The following CLPB variants were observed in gnomAD, a reference collection of about 807,000 sequenced individuals.
CLPB encodes the protein mitochondrial disaggregase.
In CLPB, 40 loss-of-function variants were observed where a neutral mutation model predicts 78.4. That is an observed-to-expected ratio of 0.51 (90% CI 0.40 to 0.66). The LOEUF is 0.66. Among genes scored for constraint, CLPB ranks in the 30% least tolerant of loss-of-function variants. The pLI is 0.00. For synonymous variants in CLPB, 333 were observed against 348.0 expected, an observed-to-expected ratio of 0.96 and a Z score of 0.48; for missense variants, 780 against 886.9, an observed-to-expected ratio of 0.88 and a Z score of 1.53.
intron 4 of CLPB, among the ~76,000 whole-genome samples, chr11:72,379,957 TC>T (rs1799762263): frequency 6.6e-6 from 1 of 152,168 alleles, no homozygotes; most frequent in Admixed American, 6.5e-5. Flanking sequence ...TGAAATCTGC[TC>T]CGTTGTCCAC....
chr11:72,388,539 C>T (rs1855152773), intron 3 of CLPB, among the ~76,000 whole-genome samples: 2 of 152,160 alleles, frequency 1.3e-5, no homozygotes, highest in Admixed American at 1.3e-4. Context: ...GTGTGAACCA[C>T]CATACCCGGC....
intron 11 of CLPB, among the ~76,000 whole-genome samples, chr11:72,296,722 C>T (rs1741360626): frequency 6.6e-6 from 1 of 152,146 alleles, no homozygotes; most frequent in Admixed American, 6.5e-5. Context: ...GAAAGTGGCT[C>T]CTTGACAACA....
intron 2 of CLPB, among the ~76,000 whole-genome samples, chr11:72,409,946 C>T (rs889549468): frequency 1.3e-4 from 20 of 151,640 alleles, no homozygotes; most frequent in African/African-American, 4.1e-4. Flanking sequence ...CACTGCACTC[C>T]GACCTGGGTG....
chr11:72,427,252 T>G (rs1465448161), intron 2 of CLPB, among the ~76,000 whole-genome samples: 2 of 152,112 alleles, frequency 1.3e-5, no homozygotes, highest in African/African-American at 4.8e-5. Flanking sequence ...ACTCTGGGGC[T>G]AAGGACAGGA....
chr11:72,297,129 A>C (rs567438826), intron 11 of CLPB, among the ~76,000 whole-genome samples: 1 of 152,304 alleles, frequency 6.6e-6, no homozygotes, highest in South Asian at 2.1e-4. Context: ...GATCTACCTG[A>C]GATTTCTTTT....
At chr11:72,422,837 T>A in intron 2 of CLPB, among the ~76,000 whole-genome samples, 1 of 152,224 alleles carries the variant, frequency 6.6e-6, no homozygotes, top group African/African-American at 2.4e-5. Context: ...TGGATCAATG[T>A]GCAGGACATT....
chr11:72,308,370 C>T (rs1949781976), intron 8 of CLPB, among the ~76,000 whole-genome samples, 157 bp downstream of exon 8: 1 of 152,178 alleles, frequency 6.6e-6, no homozygotes, highest in Non-Finnish European at 1.5e-5. Context: ...AGTCCTCTTT[C>T]TTGGTGGCTC....
At chr11:72,360,873 T>C (rs1177911490) in intron 4 of CLPB, among the ~76,000 whole-genome samples, 6 of 152,216 alleles carry the variant, frequency 3.9e-5, no homozygotes, top group Non-Finnish European at 5.9e-5. Flanking sequence ...AAACTGAGGC[T>C]CAGAGGTCAC....
intron 5 of CLPB, among the ~76,000 whole-genome samples, chr11:72,337,951 A>C (rs1451975978): frequency 3.3e-5 from 5 of 152,174 alleles, no homozygotes; most frequent in African/African-American, 9.7e-5. Flanking sequence ...ACCTCTCAGA[A>C]GGTCATCCAC....
chr11:72,356,058 G>A (rs868219854), intron 5 of CLPB, among the ~76,000 whole-genome samples: 1 of 152,048 alleles, frequency 6.6e-6, no homozygotes. Flanking sequence ...GAGGCGGGCG[G>A]ATCACCTGAG....
intron 5 of CLPB, among the ~76,000 whole-genome samples, chr11:72,340,384 C>T (rs1950398699): frequency 6.6e-6 from 1 of 152,152 alleles, no homozygotes; most frequent in South Asian, 2.1e-4. Context: ...TACAGTGGAA[C>T]AGGAGGGATC....
chr11:72,434,109 C>T lies in CLPB; in HGVS notation c.366G>A (p.Leu122=). 1 of 1,611,870 alleles carries T rather than the reference C, an allele frequency of 6.2e-7. No individual in the cohort carries two copies. Among genetic ancestry groups the T allele is most frequent in the Non-Finnish European group, 8.5e-7 (1 of 1,180,010 alleles). The change falls in exon 1 of 16, where the codon CTG becomes CTA. Residue 122 remains leucine (L), a synonymous_variant. Transcript: ENST00000538039. ...GLGMCALAAA[L]VVHCYSKSPS... ...GACTCTTGCTGTAGCAATGAACCACCAGCGCTGCGGCCAGGGCGCACATGC... is the reference window on the plus strand; with the variant it reads ...GACTCTTGCTGTAGCAATGAACCACTAGCGCTGCGGCCAGGGCGCACATGC...
At chr11:72,382,638 G>A (rs147849361) in intron 3 of CLPB, among the ~76,000 whole-genome samples, 33 of 152,324 alleles carry the variant, frequency 2.2e-4, no homozygotes, top group African/African-American at 7.5e-4. Flanking sequence ...CCTGCCTAAG[G>A]ACTTCAGCAC....
chr11:72,420,547 T>A (rs970713329), intron 2 of CLPB, among the ~76,000 whole-genome samples: 1 of 152,054 alleles, frequency 6.6e-6, no homozygotes, highest in African/African-American at 2.4e-5. Context: ...TGGTAACTAT[T>A]TACATGCACA....
Position 72,294,365 on chromosome 11 carries a change from A to G in CLPB, c.1640T>C (p.Ile547Thr). ...YFLPFCHSEL[I>T]QLVNKELNFW... Reference sequence around the variant, plus strand: ...GTTTAGTTCCTTGTTGACGAGTTGGATGAGCTCCGAGTGGCAGAAGGGGAG... The same window carrying G: ...GTTTAGTTCCTTGTTGACGAGTTGGGTGAGCTCCGAGTGGCAGAAGGGGAG... Residue 547 changes from isoleucine to threonine, a missense_variant, in exon 14 of 16, where the codon ATC becomes ACC. Ile to Thr is a moderately conservative substitution (Grantham distance 89). Transcript: ENST00000538039. 2 of 1,614,146 alleles carry G rather than the reference A, an allele frequency of 1.2e-6. No individual in the cohort carries two copies. Among genetic ancestry groups the G allele is most frequent in the Non-Finnish European group, 1.7e-6 (2 of 1,180,028 alleles).
intron 5 of CLPB, among the ~76,000 whole-genome samples, chr11:72,341,121 G>A (rs1299300489): frequency 1.3e-5 from 2 of 152,308 alleles, no homozygotes; most frequent in African/African-American, 4.8e-5. Flanking sequence ...CGCCTGGCAA[G>A]TTATTTTAAG....
chr11:72,330,111 C>T (rs1021618009), intron 5 of CLPB, among the ~76,000 whole-genome samples: 1 of 152,202 alleles, frequency 6.6e-6, no homozygotes, highest in Admixed American at 6.5e-5. Flanking sequence ...CAATTTCATA[C>T]ATGTATTCAT....
chr11:72,375,308 G>A (rs1421223101), intron 4 of CLPB, among the ~76,000 whole-genome samples: 1 of 152,014 alleles, frequency 6.6e-6, no homozygotes, highest in Non-Finnish European at 1.5e-5. Flanking sequence ...ATCCTTTAAC[G>A]GCCTTCAGAA....
intron 1 of CLPB, among the ~76,000 whole-genome samples, chr11:72,431,514 C>A (rs1371020031): frequency 2.0e-5 from 3 of 152,216 alleles, no homozygotes; most frequent in Non-Finnish European, 4.4e-5. Context: ...GTACAATACA[C>A]CTTATCATGC....
Sources: gnomAD v4.1 joint callset for allele counts (sites outside exome capture counted in the v4.1 genomes callset) on GRCh38, gnomAD v4.1.1 for gene constraint, MANE v1.5 for transcripts, NCBI Gene and HGNC (gene_info 2026-07-23, HGNC 2026-07-21) for gene names.